The following SPECC1 variants were observed in gnomAD, a reference collection of about 807,000 sequenced individuals.
SPECC1 encodes the protein sperm antigen with calponin homology and coiled-coil domains 1, also known as cytospin-B.
SPECC1 carries 62 observed loss-of-function variants against 104.1 expected under a neutral mutation model. The ratio of observed to expected loss-of-function variants is 0.60; its 90% CI spans 0.49 to 0.74. The LOEUF is 0.74. Ranked by LOEUF, SPECC1 falls within the 30% of genes least tolerant of loss-of-function variation. SPECC1 has a pLI of 0.00. For missense variants in SPECC1, 1,306 were observed against 1,310.5 expected (o/e 1.00, Z 0.05); for synonymous variants, 513 against 501.6 (o/e 1.02, Z -0.30).
chr17:20,189,599 C>T (rs1217929372), intron 3 of SPECC1, among the ~76,000 whole-genome samples: 1 of 152,152 alleles, frequency 6.6e-6, no homozygotes, highest in Non-Finnish European at 1.5e-5. Flanking sequence ...CCTATCTCCC[C>T]TGCATCCTGA....
rs541192463 is a variant in SPECC1 at position 20,232,244 on chromosome 17, C to T, written c.2190C>T (p.Thr730=). The change falls in exon 7 of 15, where the codon ACC becomes ACT. Residue 730 remains threonine, a synonymous_variant. Transcript: ENST00000395527. ...GGCGGTTCCAGGCGGATCTGCAGAC[C>T]GCAGTGGTGGTGGCCAATGACATCA... is the stretch of plus-strand genomic sequence containing the variant. The part of the protein sequence containing the change: ...EWRRFQADLQ[T]AVVVANDIKC... The T allele has an allele frequency of 2.8e-5, 45 of 1,614,128 alleles. No homozygotes were observed. The Middle Eastern group carries it at 6.6e-4, about 24-fold the overall frequency.
intron 3 of SPECC1, among the ~76,000 whole-genome samples, chr17:20,119,245 A>T (rs1387630513): frequency 2.0e-5 from 3 of 152,046 alleles, no homozygotes; most frequent in Non-Finnish European, 1.5e-5. Flanking sequence ...ATTTTTTTAA[A>T]TTTATTTTAT....
Position 20,316,095 on chromosome 17 carries a change from TGAAACTC to T in SPECC1, c.*2033_*2039del. Reference sequence around the variant, plus strand: ...CATCACCCATGCCTTTGTATTTAAATGAAACTCGACACATAGAACCAATTCAACCTGA... The same window carrying T: ...CATCACCCATGCCTTTGTATTTAAATGACACATAGAACCAATTCAACCTGA... On this transcript the variant is annotated 3_prime_UTR_variant, in exon 15 of 15. Transcript: ENST00000395527. 1 of 232,040 alleles carries T rather than the reference TGAAACTC, an allele frequency of 4.3e-6. No homozygotes were observed. The highest frequency in any genetic ancestry group is 8.5e-6 in the Non-Finnish European group (1 of 117,320). The allele number at this position is 232,040 out of a possible 1,614,324, so 14.4% of individuals were successfully genotyped here.
chr17:20,242,113 C>T (rs1196302520), intron 7 of SPECC1, among the ~76,000 whole-genome samples: 2 of 152,162 alleles, frequency 1.3e-5, no homozygotes, highest in East Asian at 1.9e-4. Context: ...TACAACACTA[C>T]CCAAATGGAG....
chr17:20,173,512 C>T (rs1214444952), intron 3 of SPECC1, among the ~76,000 whole-genome samples: 1 of 152,198 alleles, frequency 6.6e-6, no homozygotes, highest in Non-Finnish European at 1.5e-5. Flanking sequence ...CCCCCAATGA[C>T]ACTATCACTA....
chr17:20,304,359 T>G (rs1402588573), intron 13 of SPECC1, among the ~76,000 whole-genome samples: 3 of 152,128 alleles, frequency 2.0e-5, no homozygotes, highest in Non-Finnish European at 4.4e-5. Flanking sequence ...TCAATTATAC[T>G]TAATATAACA....
intron 1 of SPECC1, among the ~76,000 whole-genome samples, chr17:20,076,627 A>G (rs1419982462): frequency 1.3e-5 from 2 of 152,224 alleles, no homozygotes; most frequent in African/African-American, 4.8e-5. Flanking sequence ...TATAAGTAAT[A>G]GATTAGTAAC....
intron 12 of SPECC1, among the ~76,000 whole-genome samples, chr17:20,295,472 A>G (rs564822417): frequency 2.6e-5 from 4 of 152,268 alleles, no homozygotes; most frequent in South Asian, 4.1e-4. Flanking sequence ...TAGTGCCGCA[A>G]TAAACATATG....
intron 2 of SPECC1, among the ~76,000 whole-genome samples, chr17:20,097,484 A>G (rs2047708400): frequency 6.6e-6 from 1 of 152,192 alleles, no homozygotes; most frequent in South Asian, 2.1e-4. Flanking sequence ...AGGCCTTGAG[A>G]TGCTCCTTAA....
intron 3 of SPECC1, among the ~76,000 whole-genome samples, chr17:20,180,598 A>C (rs2034812990): frequency 6.6e-6 from 1 of 152,190 alleles, no homozygotes. Context: ...GGGTGGCATG[A>C]ATATGTGAAT....
intron 12 of SPECC1, among the ~76,000 whole-genome samples, chr17:20,292,660 C>T (rs1244667185): frequency 2.0e-5 from 3 of 152,136 alleles, no homozygotes; most frequent in African/African-American, 7.2e-5. Context: ...GTCCAGGTTT[C>T]ATCAGGTAGC....
chr17:20,124,105 A>T (rs1285216247), intron 3 of SPECC1, among the ~76,000 whole-genome samples: 2 of 151,808 alleles, frequency 1.3e-5, no homozygotes, highest in Non-Finnish European at 2.9e-5. Flanking sequence ...CCACAGAAGG[A>T]GGAGGGCCAT....
At chr17:20,092,582 T>A (rs1206972530) in intron 1 of SPECC1, among the ~76,000 whole-genome samples, 1 of 152,146 alleles carries the variant, frequency 6.6e-6, no homozygotes, top group Non-Finnish European at 1.5e-5. Flanking sequence ...ATCTGATATG[T>A]CTGTCTGCCT....
chr17:20,198,799 G>T (rs1026727291), intron 3 of SPECC1, among the ~76,000 whole-genome samples: 1 of 152,106 alleles, frequency 6.6e-6, no homozygotes, highest in Non-Finnish European at 1.5e-5. Context: ...CTCTTGACTG[G>T]TTTCCTGTAA....
In SPECC1 at chr17:20,310,610, G is replaced by T. The variant is rs116927228; in HGVS notation, c.3118-3366G>T. ...TATGTGATGTCACTGTCATAAAAAC[G>T]GCCAAAACATGTGTCCCCAGGGCTG... On this transcript the variant is annotated intron_variant, in intron 14 of 14. Coordinates refer to ENST00000395527, the MANE Select transcript of SPECC1 (RefSeq NM_001243439.2). Among the ~76,000 whole-genome samples, 142 of 152,294 alleles carry T rather than the reference G, an allele frequency of 9.3e-4. 1 individual carries two copies. The East Asian group carries it at 0.024, about 25-fold the overall frequency.
chr17:20,305,478 T>C (rs1381636034), intron 13 of SPECC1, among the ~76,000 whole-genome samples: 2 of 152,168 alleles, frequency 1.3e-5, no homozygotes, highest in Non-Finnish European at 1.5e-5. Context: ...AGTCCTCATA[T>C]GTCCTGGAGG....
chr17:20,172,231 T>A (rs529919446), intron 3 of SPECC1, among the ~76,000 whole-genome samples: 55 of 152,324 alleles, frequency 3.6e-4, no homozygotes, highest in South Asian at 2.9e-3. Context: ...GGCTCCTGCA[T>A]GGGCTTCTCT....
intron 10 of SPECC1, 143 bp downstream of exon 10, chr17:20,253,729 C>A: frequency 1.3e-6 from 1 of 769,570 alleles, no homozygotes; most frequent in Non-Finnish European, 2.1e-6. Flanking sequence ...ATGTACATAT[C>A]ATGAATGTTA....
At chr17:20,236,775 T>C (rs1184052772) in intron 7 of SPECC1, 7 of 1,558,914 alleles carry the variant, frequency 4.5e-6, no homozygotes, top group African/African-American at 1.4e-5. Flanking sequence ...CAGTGTAAGC[T>C]GGAAATTCTT....
Sources: gnomAD v4.1 joint callset for allele counts (sites outside exome capture counted in the v4.1 genomes callset) on GRCh38, gnomAD v4.1.1 for gene constraint, MANE v1.5 for transcripts, NCBI Gene and HGNC (gene_info 2026-07-23, HGNC 2026-07-21) for gene names.